SIPA1L2: variants seen among roughly 807,000 people sequenced by gnomAD.
SIPA1L2 encodes the protein signal induced proliferation associated 1 like 2, also known as signal-induced proliferation-associated 1-like protein 2.
A neutral mutation model predicts 163.9 loss-of-function variants in SIPA1L2; 56 were observed. That is an observed-to-expected ratio of 0.34 (90% CI 0.28 to 0.43). The LOEUF (loss-of-function observed/expected upper bound fraction) is 0.43. Among genes scored for constraint, SIPA1L2 ranks in the 20% least tolerant of loss-of-function variants. The probability of loss-of-function intolerance (pLI) is 1.00; values close to 1 mark genes in which losing one functional copy is unlikely to be tolerated. For missense variants in SIPA1L2, 1,974 were observed against 2,193.5 expected (o/e 0.90, Z 2.00); for synonymous variants, 877 against 865.7 (o/e 1.01, Z -0.23).
At chr1:232,548,473 T>C (rs1573064441) in intron 2 of SIPA1L2, among the ~76,000 whole-genome samples, 1 of 152,326 alleles carries the variant, frequency 6.6e-6, no homozygotes, top group East Asian at 1.9e-4. Context: ...CCACAATACT[T>C]AGACTCATGG....
chr1:232,447,151 C>A (rs1663265672), intron 10 of SIPA1L2, among the ~76,000 whole-genome samples: 1 of 152,174 alleles, frequency 6.6e-6, no homozygotes, highest in South Asian at 2.1e-4. Context: ...CATTAATAAT[C>A]ATTTAACATT....
chr1:232,557,469 C>T (rs1658781001), intron 2 of SIPA1L2, among the ~76,000 whole-genome samples: 2 of 152,360 alleles, frequency 1.3e-5, no homozygotes, highest in South Asian at 4.1e-4. Flanking sequence ...CCCCACAACA[C>T]ATCAGGCCCC....
intron 2 of SIPA1L2, among the ~76,000 whole-genome samples, chr1:232,572,688 T>A (rs980531211): frequency 1.9e-5 from 1 of 52,832 alleles, no homozygotes; most frequent in African/African-American, 1.3e-4. Flanking sequence ...CACACACATA[T>A]ACATACATAT....
chr1:232,487,959 C>T (rs1173591812), intron 5 of SIPA1L2, among the ~76,000 whole-genome samples: 4 of 151,584 alleles, frequency 2.6e-5, no homozygotes, highest in Admixed American at 6.6e-5. Context: ...CACACACGCA[C>T]ACATATTTTT....
chr1:232,610,975 T>G (rs777005932), intron 1 of SIPA1L2, among the ~76,000 whole-genome samples: 5 of 152,144 alleles, frequency 3.3e-5, no homozygotes, highest in Non-Finnish European at 7.4e-5. Context: ...CATCCAAATC[T>G]CCTCTTGAAT....
chr1:232,599,737 C>T (rs1186289440), intron 1 of SIPA1L2, among the ~76,000 whole-genome samples: 1 of 152,262 alleles, frequency 6.6e-6, no homozygotes, highest in African/African-American at 2.4e-5. Flanking sequence ...TTTATGCCCA[C>T]AGCTTCTTAG....
intron 6 of SIPA1L2, 70 bp downstream of exon 6, chr1:232,483,722 A>T: frequency 6.4e-7 from 1 of 1,563,354 alleles, no homozygotes. Flanking sequence ...GTGATCACTT[A>T]CTTGGATTTA....
At chr1:232,513,748 T>C (rs2103043251) in intron 3 of SIPA1L2, 109 bp downstream of exon 3, 3 of 1,168,930 alleles carry the variant, frequency 2.6e-6, no homozygotes, top group Non-Finnish European at 3.6e-6. Flanking sequence ...CAGTGGACTA[T>C]GGCCTTGGAC....
chr1:232,399,681 T>C lies in SIPA1L2; in HGVS notation c.5023-408A>G, dbSNP rs369719784. Reference sequence around the variant, plus strand: ...TGTTACATATGTTTATAATAAAATATGTACTTAGGTCTTTCATTCCATCAA... The same window carrying C: ...TGTTACATATGTTTATAATAAAATACGTACTTAGGTCTTTCATTCCATCAA... On this transcript the variant is annotated intron_variant, in intron 22 of 22. Transcript: ENST00000674635. Among the ~76,000 whole-genome samples, 32 of 152,314 alleles carry C rather than the reference T, an allele frequency of 2.1e-4. 1 individual carries two copies. In the South Asian group the frequency reaches 6.6e-3, roughly 32 times the overall value.
intron 1 of SIPA1L2, among the ~76,000 whole-genome samples, chr1:232,589,428 G>A (rs539734216): frequency 1.4e-4 from 21 of 152,342 alleles, no homozygotes; most frequent in African/African-American, 4.8e-4. Flanking sequence ...ACCATTGGCT[G>A]AGAGGCTTCT....
intron 10 of SIPA1L2, among the ~76,000 whole-genome samples, chr1:232,456,229 G>A (rs754612724): frequency 1.3e-5 from 2 of 152,144 alleles, no homozygotes; most frequent in South Asian, 4.1e-4. Flanking sequence ...ATATATGTAT[G>A]TGTGTAGATA....
intron 2 of SIPA1L2, among the ~76,000 whole-genome samples, chr1:232,517,102 G>T (rs1173446994): frequency 6.6e-6 from 1 of 152,122 alleles, no homozygotes; most frequent in Non-Finnish European, 1.5e-5. Context: ...GTGGCATAAT[G>T]CACTAGAAAG....
At chr1:232,424,489 G>A (rs991884765) in intron 18 of SIPA1L2, among the ~76,000 whole-genome samples, 1 of 152,058 alleles carries the variant, frequency 6.6e-6, no homozygotes, top group African/African-American at 2.4e-5. Context: ...AGGTTCATTG[G>A]TTTTACAAAA....
At chr1:232,581,297 G>A (rs1180597015) in intron 1 of SIPA1L2, among the ~76,000 whole-genome samples, 2 of 152,136 alleles carry the variant, frequency 1.3e-5, no homozygotes, top group Non-Finnish European at 2.9e-5. Context: ...GTCATATACG[G>A]TTTTCTCTGG....
At position 232,432,243 on chromosome 1, in the gene SIPA1L2, T is replaced by C. The variant is rs777357058; in HGVS notation, c.4256+4A>G. ...GACCAGAGAAGAACAGCCAGCCACC[T>C]TACCCGGGACATTCAGTCACTTCAG... On this transcript the variant is annotated splice_donor_region_variant and intron_variant, in intron 16 of 22. Coordinates refer to ENST00000674635, the MANE Select transcript of SIPA1L2 (RefSeq NM_020808.5). 6.2e-7 allele frequency: 1 copy of C among 1,612,904 alleles called. No individual in the cohort carries two copies. Among genetic ancestry groups the C allele is most frequent in the Non-Finnish European group, 8.5e-7 (1 of 1,179,618 alleles).
intron 10 of SIPA1L2, among the ~76,000 whole-genome samples, chr1:232,458,907 A>G (rs1664075086): frequency 6.6e-6 from 1 of 152,198 alleles, no homozygotes; most frequent in Non-Finnish European, 1.5e-5. Flanking sequence ...GGGACTCTGG[A>G]AAAGCAGACA....
At chr1:232,471,258 A>G in intron 8 of SIPA1L2, 113 bp downstream of exon 8, 1 of 1,176,416 alleles carries the variant, frequency 8.5e-7, no homozygotes, top group Admixed American at 2.3e-5. Flanking sequence ...TGTCTGAGTA[A>G]TTAGAAAATC....
intron 1 of SIPA1L2, among the ~76,000 whole-genome samples, chr1:232,578,546 T>C (rs1050301766): frequency 6.6e-6 from 1 of 152,218 alleles, no homozygotes; most frequent in African/African-American, 2.4e-5. Context: ...CTATATTCTT[T>C]ATGCCGATAC....
At chr1:232,450,559 C>CA (rs1663512427) in intron 10 of SIPA1L2, among the ~76,000 whole-genome samples, 1 of 152,172 alleles carries the variant, frequency 6.6e-6, no homozygotes, top group East Asian at 1.9e-4. Flanking sequence ...TAGTGCACAT[C>CA]AGGAACTGTA....
Sources: allele counts gnomAD v4.1 joint callset (sites outside exome capture counted in the v4.1 genomes callset), GRCh38; gene constraint gnomAD v4.1.1; transcripts MANE v1.5; gene names NCBI Gene and HGNC (gene_info 2026-07-23, HGNC 2026-07-21).